The following DNAJC16 variants were observed in gnomAD, a reference collection of about 807,000 sequenced individuals.
DNAJC16 encodes the protein DnaJ heat shock protein family (Hsp40) member C16.
DNAJC16 carries 76 observed loss-of-function variants against 92.7 expected under a neutral mutation model. The observed-to-expected ratio is 0.82, with a 90% CI of 0.68 to 0.99. The LOEUF is 0.99. Among genes scored for constraint, DNAJC16 ranks in the 50% least tolerant of loss-of-function variants. The pLI, the probability that DNAJC16 is intolerant of heterozygous loss-of-function variation, is 0.00. For missense variants in DNAJC16, 869 were observed against 942.4 expected (o/e 0.92, Z 1.02); for synonymous variants, 328 against 358.7 (o/e 0.91, Z 0.97).
At chr1:15,539,335 T>A (rs1233353443) in intron 4 of DNAJC16, among the ~76,000 whole-genome samples, 3 of 151,960 alleles carry the variant, frequency 2.0e-5, no homozygotes, top group African/African-American at 7.3e-5. Flanking sequence ...AAGCTCCGCC[T>A]CCCAGGTTCA....
intron 7 of DNAJC16, among the ~76,000 whole-genome samples, chr1:15,554,664 T>G (rs72645818): frequency 0.033 from 5,017 of 152,340 alleles, 112 homozygotes; most frequent in Middle Eastern, 0.078. Context: ...TTTGTACTTT[T>G]TGTATACATT....
At chr1:15,551,066 C>G (rs1638431999) in intron 7 of DNAJC16, among the ~76,000 whole-genome samples, 1 of 152,150 alleles carries the variant, frequency 6.6e-6, no homozygotes, top group South Asian at 2.1e-4. Context: ...GATGGGGTTT[C>G]ACCATGTTGG....
chr1:15,548,158 G>A (rs1030926935), intron 6 of DNAJC16, 112 bp from the exon 7 acceptor site: 1 of 1,008,712 alleles, frequency 9.9e-7, no homozygotes, highest in Non-Finnish European at 1.4e-6. Flanking sequence ...TAGTGGAGCT[G>A]TGTAAGCTGG....
rs760976837 is a variant in DNAJC16 at position 15,536,555 on chromosome 1, A to G, written c.315A>G (p.Gln105=). Residue 105 remains glutamine, a synonymous_variant, in exon 4 of 15, where the codon CAA becomes CAG. Transcript: ENST00000375847. ...AGENQGYQKQ[Q]QQREYRFRHF... ...AGAACCAGGGCTACCAGAAGCAGCA[A>G]CAGCAGCGAGAGTATCGCTTCCGCC... is the stretch of plus-strand genomic sequence containing the variant. 1.9e-5 allele frequency: 31 copies of G among 1,614,122 alleles called. No individual in the cohort carries two copies. Among genetic ancestry groups the G allele is most frequent in the South Asian group, 5.5e-5 (5 of 91,096 alleles).
At chr1:15,552,350 G>T (rs540253999) in intron 7 of DNAJC16, among the ~76,000 whole-genome samples, 1 of 151,882 alleles carries the variant, frequency 6.6e-6, no homozygotes, top group African/African-American at 2.4e-5. Context: ...ATTAGCTGGC[G>T]TGGTGGCATG....
rs746996357 is a variant in DNAJC16 at position 15,544,469 on chromosome 1, G to A, written c.645G>A (p.Thr215=). The A allele has an allele frequency of 9.3e-6, 15 of 1,613,916 alleles. No homozygotes were observed. The Admixed American group carries it at 1.2e-4, about 13-fold the overall frequency. The change falls in exon 5 of 15, where the codon ACG becomes ACA. Residue 215 remains threonine (T), a synonymous_variant. Transcript: ENST00000375847. ...CCCATCACCTAGGGGCACACAGCAC[G>A]CCCTCTATCCTAGGAATCATTAACG... ...RLAHHLGAHS[T]PSILGIINGK...
chr1:15,564,742 T>C (rs766375636), intron 11 of DNAJC16, among the ~76,000 whole-genome samples: 18 of 151,992 alleles, frequency 1.2e-4, no homozygotes, highest in Non-Finnish European at 2.4e-4. Context: ...TTGGTCAGGC[T>C]GGTCTCAAAC....
rs138310351 is a variant in DNAJC16 at position 15,540,282 on chromosome 1, C to T, written c.574+3468C>T. On this transcript the variant is annotated intron_variant, in intron 4 of 14. Transcript: ENST00000375847. ...CAGAGGTTGCAGTGAGCTGAGATTGCGCCACTGCAGTCTGGCCTGGGCGAC... is the reference window on the plus strand; with the variant it reads ...CAGAGGTTGCAGTGAGCTGAGATTGTGCCACTGCAGTCTGGCCTGGGCGAC... Among the ~76,000 whole-genome samples, 508 of 152,044 alleles carry T rather than the reference C, an allele frequency of 3.3e-3. 1 individual carries two copies. The highest frequency in any genetic ancestry group is 0.012 in the African/African-American group (484 of 41,444).
At chr1:15,534,122 T>C in intron 2 of DNAJC16, 115 bp from the exon 3 acceptor site, 1 of 951,968 alleles carries the variant, frequency 1.1e-6, no homozygotes, top group Non-Finnish European at 1.5e-6. Context: ...TAAGAAACTT[T>C]CCTAACAAAA....
intron 2 of DNAJC16, among the ~76,000 whole-genome samples, chr1:15,529,851 A>G (rs543508998): frequency 2.0e-5 from 3 of 152,290 alleles, no homozygotes; most frequent in African/African-American, 4.8e-5. Flanking sequence ...ATAGCATAGT[A>G]TTTGCATATA....
chr1:15,527,025 C>T (rs892547814), intron 1 of DNAJC16, 67 bp downstream of exon 1: 2 of 152,294 alleles, frequency 1.3e-5, no homozygotes, highest in South Asian at 2.1e-4. Flanking sequence ...TCAGGGATTT[C>T]CCCTCAGTTC....
At chr1:15,550,109 C>T (rs1557580209) in intron 7 of DNAJC16, among the ~76,000 whole-genome samples, 2 of 152,120 alleles carry the variant, frequency 1.3e-5, no homozygotes, top group Non-Finnish European at 1.5e-5. Context: ...GGACAAAACT[C>T]AGAACAGCCA....
chr1:15,538,086 A>G (rs955686347), intron 4 of DNAJC16, among the ~76,000 whole-genome samples: 6 of 152,154 alleles, frequency 3.9e-5, no homozygotes, highest in African/African-American at 1.4e-4. Context: ...CAATTTATTC[A>G]CCATGACTTC....
At chr1:15,557,328 A>G (rs1638590169) in intron 7 of DNAJC16, among the ~76,000 whole-genome samples, 1 of 152,152 alleles carries the variant, frequency 6.6e-6, no homozygotes, top group African/African-American at 2.4e-5. Flanking sequence ...TTCTGTTTTA[A>G]CTTCTGCATT....
rs146065416 is a variant in DNAJC16, at chr1:15,537,984, C to T, written c.574+1170C>T. ...TTGCTGGAAGGTGCAGGCAGAGCTA[C>T]CAGCGTGGCCCAGAAGTTGAGCATC... On this transcript the variant is annotated intron_variant, in intron 4 of 14. Transcript: ENST00000375847. Among the ~76,000 whole-genome samples, 549 of 152,282 alleles carry T rather than the reference C, an allele frequency of 3.6e-3. 5 individuals carry two copies. Among genetic ancestry groups the T allele is most frequent in the Middle Eastern group, 0.024 (7 of 294 alleles).
intron 4 of DNAJC16, among the ~76,000 whole-genome samples, chr1:15,541,232 G>A (rs1427241316): frequency 6.6e-6 from 1 of 152,094 alleles, no homozygotes; most frequent in African/African-American, 2.4e-5. Context: ...CTGTCTTTAC[G>A]AATGACCAAA....
At chr1:15,554,799 C>T (rs765811568) in intron 7 of DNAJC16, among the ~76,000 whole-genome samples, 5 of 152,010 alleles carry the variant, frequency 3.3e-5, no homozygotes, top group African/African-American at 4.8e-5. Context: ...CAAAGCTATA[C>T]GGCTTTTAGA....
At chr1:15,551,186 A>G (rs76401884) in intron 7 of DNAJC16, among the ~76,000 whole-genome samples, 1 of 152,134 alleles carries the variant, frequency 6.6e-6, no homozygotes, top group Admixed American at 6.5e-5. Flanking sequence ...TATATCTTTG[A>G]TGAAGCAGTA....
intron 2 of DNAJC16, among the ~76,000 whole-genome samples, 185 bp downstream of exon 2, chr1:15,529,457 C>G (rs543940900): frequency 6.6e-6 from 1 of 152,212 alleles, no homozygotes; most frequent in East Asian, 1.9e-4. Flanking sequence ...GATCCAAAGC[C>G]TATGTTTACT....
Sources: allele counts gnomAD v4.1 joint callset (sites outside exome capture counted in the v4.1 genomes callset), GRCh38; gene constraint gnomAD v4.1.1; transcripts MANE v1.5; gene names NCBI Gene and HGNC (gene_info 2026-07-23, HGNC 2026-07-21).